Variants in PAM observed in about 807,000 individuals in gnomAD.
PAM encodes peptidyl-glycine alpha-amidating monooxygenase.
PAM carries 72 observed loss-of-function variants against 122.1 expected under a neutral mutation model. The ratio of observed to expected loss-of-function variants is 0.59; its 90% CI spans 0.49 to 0.72. The LOEUF is 0.72. Among genes scored for constraint, PAM ranks in the 30% least tolerant of loss-of-function variants. PAM has a pLI of 0.00. For synonymous variants in PAM, 389 were observed against 404.4 expected, an observed-to-expected ratio of 0.96 and a Z score of 0.46; for missense variants, 1,106 against 1,183.7, an observed-to-expected ratio of 0.93 and a Z score of 0.96.
chr5:102,989,637 A>G (rs1582623033), intron 15 of PAM: 1 of 152,226 alleles, frequency 6.6e-6, no homozygotes, highest in African/African-American at 2.4e-5. Context: ...GAAACCAAAT[A>G]TGAACAGTGA....
At position 102,929,813 on chromosome 5, in the gene PAM, G is replaced by A. The variant is rs191688381; in HGVS notation, c.526+3145G>A. 2.5e-4 allele frequency among the ~76,000 whole-genome samples: 38 copies of A among 152,178 alleles called. No homozygotes were observed. In the East Asian group the frequency reaches 4.6e-3, roughly 19 times the overall value. ...CAGGCCACAGGACAGCTTTGAATGC[G>A]GCCCAACACAAATTCATAAACTTTC... is the stretch of plus-strand genomic sequence containing the variant. On this transcript the variant is annotated intron_variant, in intron 7 of 25. Transcript: ENST00000438793.
At chr5:102,818,872 T>TA (rs1336730110) in intron 1 of PAM, among the ~76,000 whole-genome samples, 1 of 152,234 alleles carries the variant, frequency 6.6e-6, no homozygotes, top group Non-Finnish European at 1.5e-5. Flanking sequence ...TTTCTTTTGT[T>TA]ATGAATGCAC....
At chr5:102,966,764 G>T (rs1055773164) in intron 14 of PAM, among the ~76,000 whole-genome samples, 1 of 151,916 alleles carries the variant, frequency 6.6e-6, no homozygotes, top group Non-Finnish European at 1.5e-5. Flanking sequence ...GACATATTTT[G>T]TCAGTGGCTA....
intron 3 of PAM, chr5:102,873,343 C>T (rs537918830): frequency 1.3e-5 from 2 of 152,320 alleles, no homozygotes; most frequent in South Asian, 2.1e-4. Flanking sequence ...AGAAAACCAA[C>T]AGCCTTTTGG....
chr5:103,025,807 A>T (rs572413555), intron 24 of PAM, among the ~76,000 whole-genome samples: 1 of 152,226 alleles, frequency 6.6e-6, no homozygotes, highest in East Asian at 1.9e-4. Flanking sequence ...GTTTTCTCAT[A>T]AAAAAGTGGG....
Position 102,971,001 on chromosome 5 carries a change from T to C in PAM, c.1163-3115T>C, listed in dbSNP as rs112620876. Among the ~76,000 whole-genome samples, 1,169 of 152,200 alleles carry C rather than the reference T, an allele frequency of 7.7e-3. 20 individuals are homozygous for C. Among genetic ancestry groups the C allele is most frequent in the African/African-American group, 0.026 (1,064 of 41,534 alleles). On this transcript the variant is annotated intron_variant, in intron 14 of 25. Transcript: ENST00000438793. ...TTTGTATTTTTAGTAGAGATGGGGT[T>C]TCACCACGTAGGCCAGGCTGTTCTC...
rs541984742 is a variant in PAM, at chr5:102,761,906, A to G, written c.-374+6558A>G. Among the ~76,000 whole-genome samples, 44 of 152,332 alleles carry G rather than the reference A, an allele frequency of 2.9e-4. No individual in the cohort carries two copies. In the South Asian group the frequency reaches 9.1e-3, roughly 32 times the overall value. On this transcript the variant is annotated intron_variant, in intron 1 of 25. Transcript: ENST00000438793. ...TTTACATTACTAATTACATCAACAA[A>G]TCCTTATTTTCATAGACATTCCTTT...
At chr5:102,914,050 G>T (rs202116827) in intron 5 of PAM, 29 bp downstream of exon 5, 2 of 1,221,868 alleles carry the variant, frequency 1.6e-6, no homozygotes, top group South Asian at 1.2e-5. Context: ...CAGTATAGAA[G>T]GGTGTAGAAA....
In PAM at chr5:103,025,213, G is replaced by A; in HGVS notation, c.2568G>A (p.Leu856=). Residue 856 remains leucine, a synonymous_variant, in exon 24 of 26, where the codon CTG becomes CTA. Transcript: ENST00000438793. ...ELQKMQEKQK[L]IKEPGSGVPV... ...AGAAGATGCAAGAGAAACAGAAACT[G>A]ATCAAAGAGCCAGGCTCGGGAGTGC... 6.2e-7 allele frequency: 1 copy of A among 1,613,744 alleles called. No individual in the cohort carries two copies. The highest frequency in any genetic ancestry group is 1.3e-5 in the African/African-American group (1 of 74,998).
At chr5:102,943,562 C>T (rs1183712419) in intron 7 of PAM, among the ~76,000 whole-genome samples, 1 of 151,768 alleles carries the variant, frequency 6.6e-6, no homozygotes, top group African/African-American at 2.4e-5. Flanking sequence ...TTATTTTTGC[C>T]TTTTTTTCTA....
At chr5:102,976,325 A>G (rs1213931376) in intron 15 of PAM, among the ~76,000 whole-genome samples, 1 of 152,132 alleles carries the variant, frequency 6.6e-6, no homozygotes, top group African/African-American at 2.4e-5. Context: ...ACTGTAATGC[A>G]GTGTAATATC....
chr5:102,893,453 A>T (rs771178470), intron 3 of PAM, among the ~76,000 whole-genome samples: 9 of 151,810 alleles, frequency 5.9e-5, no homozygotes, highest in Non-Finnish European at 1.0e-4. Context: ...GAATACATTC[A>T]AAATACTAGT....
intron 16 of PAM, among the ~76,000 whole-genome samples, chr5:102,998,295 T>C (rs1776312206): frequency 6.6e-6 from 1 of 152,208 alleles, no homozygotes; most frequent in African/African-American, 2.4e-5. Flanking sequence ...ATCCCATTCT[T>C]GGAGAAACCA....
chr5:102,841,964 G>T (rs915531018), intron 1 of PAM, among the ~76,000 whole-genome samples: 2 of 152,014 alleles, frequency 1.3e-5, no homozygotes, highest in Non-Finnish European at 2.9e-5. Flanking sequence ...TATCTGGATA[G>T]AATTTAATAC....
chr5:102,978,512 G>GT (rs1768540864), intron 15 of PAM, among the ~76,000 whole-genome samples: 1 of 152,084 alleles, frequency 6.6e-6, no homozygotes, highest in Admixed American at 6.6e-5. Context: ...AACTATTCTA[G>GT]TGGCAGATTT....
chr5:102,817,626 T>G (rs1241848771), intron 1 of PAM, among the ~76,000 whole-genome samples: 1 of 152,166 alleles, frequency 6.6e-6, no homozygotes, highest in African/African-American at 2.4e-5. Context: ...TGGATGGCAC[T>G]ATCATTAATT....
intron 1 of PAM, among the ~76,000 whole-genome samples, chr5:102,840,095 A>G (rs78690162): frequency 0.014 from 2,104 of 152,308 alleles, 70 homozygotes; most frequent in African/African-American, 0.048. Context: ...ATGCTTATGT[A>G]TTACATGTAA....
intron 1 of PAM, among the ~76,000 whole-genome samples, chr5:102,823,929 G>A (rs936984899): frequency 2.6e-5 from 4 of 152,088 alleles, no homozygotes; most frequent in East Asian, 3.8e-4. Context: ...CCCCTTCTTC[G>A]TTTAGGAGAA....
rs1484692282 is a variant in PAM, at chr5:102,777,250, C to T, written c.-374+21902C>T. Among the ~76,000 whole-genome samples the T allele has an allele frequency of 2.0e-5, 3 of 152,010 alleles. No individual in the cohort carries two copies. In the East Asian group the frequency reaches 5.8e-4, roughly 29 times the overall value. ...TTTAGGAACTGAAGACTGTTCAAAT[C>T]TCATTGTTACTCATTGAGATCTGCC... On this transcript the variant is annotated intron_variant, in intron 1 of 25. Coordinates refer to ENST00000438793, the MANE Select transcript of PAM (RefSeq NM_001177306.2).
Sources: allele counts gnomAD v4.1 joint callset (sites outside exome capture counted in the v4.1 genomes callset), GRCh38; gene constraint gnomAD v4.1.1; transcripts MANE v1.5; gene names NCBI Gene and HGNC (gene_info 2026-07-23, HGNC 2026-07-21).